Variants in TLE4 observed in about 807,000 individuals in gnomAD.
TLE4 encodes the protein transducin-like enhancer protein 4.
Under a neutral mutation model 92.8 loss-of-function variants are expected in TLE4, and 8 were observed. That is an observed-to-expected ratio of 0.09 (90% confidence interval 0.05 to 0.16). The LOEUF is 0.16. TLE4 is among the 10% of genes least tolerant of loss of function. The pLI, the probability that TLE4 is intolerant of heterozygous loss-of-function variation, is 1.00. For synonymous variants in TLE4, 371 were observed against 374.1 expected, an observed-to-expected ratio of 0.99 and a Z score of 0.10; for missense variants, 675 against 997.6, an observed-to-expected ratio of 0.68 and a Z score of 4.36.
At chr9:79,668,649 T>C (rs2061783142) in intron 8 of TLE4, among the ~76,000 whole-genome samples, 2 of 152,066 alleles carry the variant, frequency 1.3e-5, no homozygotes, top group South Asian at 4.1e-4. Context: ...AAAACAAAAT[T>C]TTAATAATAG....
chr9:79,678,260 T>G (rs1025753782), intron 8 of TLE4, among the ~76,000 whole-genome samples: 1 of 152,154 alleles, frequency 6.6e-6, no homozygotes, highest in Non-Finnish European at 1.5e-5. Flanking sequence ...TAATCCTGAC[T>G]TTATAATGAA....
intron 8 of TLE4, 117 bp downstream of exon 8, chr9:79,654,192 T>A: frequency 9.6e-7 from 1 of 1,043,974 alleles, no homozygotes; most frequent in Non-Finnish European, 1.4e-6. Flanking sequence ...TAGTAGTGGT[T>A]AACTGCATTT....
At chr9:79,723,369 T>G (rs2075940276) in intron 19 of TLE4, among the ~76,000 whole-genome samples, 1 of 152,242 alleles carries the variant, frequency 6.6e-6, no homozygotes, top group South Asian at 2.1e-4. Flanking sequence ...TTTTAAAACT[T>G]GAGCATTTTG....
chr9:79,645,777 ACTCCATTTTAATGTTTATTTT>A (rs1319570857), intron 6 of TLE4, among the ~76,000 whole-genome samples: 1 of 152,108 alleles, frequency 6.6e-6, no homozygotes, highest in Non-Finnish European at 1.5e-5. Context: ...TTTAAAGTTC[ACTCCATTTTAATGTTTATTTT>A]CTTGAGTGGC....
At chr9:79,575,573 AGATCT>A (rs1184219430) in intron 3 of TLE4, among the ~76,000 whole-genome samples, 2 of 152,218 alleles carry the variant, frequency 1.3e-5, no homozygotes, top group African/African-American at 4.8e-5. Context: ...TCAAAAAACC[AGATCT>A]GCTTTTACAG....
chr9:79,606,286 T>A (rs960143837), intron 4 of TLE4, among the ~76,000 whole-genome samples: 3 of 139,570 alleles, frequency 2.1e-5, no homozygotes, highest in African/African-American at 5.2e-5. Context: ...CTAGCTATAC[T>A]GACGATACCT....
chr9:79,604,016 G>A (rs967199057), intron 4 of TLE4, among the ~76,000 whole-genome samples: 1 of 152,146 alleles, frequency 6.6e-6, no homozygotes, highest in African/African-American at 2.4e-5. Flanking sequence ...AGTTTGAGAA[G>A]CACTAGTCTA....
chr9:79,615,164 TG>T (rs2049243375), intron 5 of TLE4, among the ~76,000 whole-genome samples: 2 of 152,222 alleles, frequency 1.3e-5, no homozygotes, highest in East Asian at 1.9e-4. Context: ...GCTTCTGCCC[TG>T]AAGCCAGATG....
chr9:79,639,863 A>G (rs2056781916), intron 6 of TLE4, among the ~76,000 whole-genome samples: 1 of 152,180 alleles, frequency 6.6e-6, no homozygotes, highest in Non-Finnish European at 1.5e-5. Flanking sequence ...ATATCCCTAT[A>G]GTTAAGTGGT....
In TLE4 at chr9:79,637,094, C is replaced by G. The variant is rs533560915; in HGVS notation, c.390+9646C>G. Among the ~76,000 whole-genome samples the G allele has an allele frequency of 1.2e-3, 119 of 101,394 alleles. No homozygotes were observed. In the South Asian group the frequency reaches 0.027, roughly 23 times the overall value. The allele number at this position is 101,394 out of a possible 152,430, so 66.5% of individuals were successfully genotyped here. A position where few individuals can be genotyped will look rare whatever the true frequency, so the allele number is the denominator to read the frequency against. On this transcript the variant is annotated intron_variant, in intron 6 of 19. Coordinates refer to ENST00000376552, the MANE Select transcript of TLE4 (RefSeq NM_007005.6). ...TGTAGAATGCAAGGCTGGAGCTGGC[C>G]TATTTATTTTGACGTTAATGGAATT...
chr9:79,575,162 A>G (rs771694863), intron 3 of TLE4: 5 of 309,278 alleles, frequency 1.6e-5, no homozygotes, highest in East Asian at 5.2e-5. Context: ...CACATGGGGT[A>G]TAATTTTCTG....
chr9:79,613,365 GC>G (rs2048798692), intron 5 of TLE4, among the ~76,000 whole-genome samples: 1 of 152,074 alleles, frequency 6.6e-6, no homozygotes, highest in Non-Finnish European at 1.5e-5. Context: ...CAGGGGAAGT[GC>G]ATGCCATCAG....
chr9:79,720,326 G>A lies in TLE4; in HGVS notation c.1838+33G>A, dbSNP rs368856417. ...AGCAGGATCTGTTACCAGGTTGTGA[G>A]GAGGAGCCGATTTTACCATATTTTG... On this transcript the variant is annotated intron_variant, in intron 16 of 19. Coordinates refer to ENST00000376552, the MANE Select transcript of TLE4 (RefSeq NM_007005.6). 127 of 1,588,166 alleles carry A rather than the reference G, an allele frequency of 8.0e-5. No individual in the cohort carries two copies. In the African/African-American group the frequency reaches 1.4e-3, roughly 18 times the overall value.
chr9:79,715,456 T>C (rs2074300694), intron 14 of TLE4, among the ~76,000 whole-genome samples: 1 of 152,048 alleles, frequency 6.6e-6, no homozygotes, highest in Non-Finnish European at 1.5e-5. Flanking sequence ...AGATCATCCC[T>C]TCACTTGCAG....
intron 8 of TLE4, among the ~76,000 whole-genome samples, chr9:79,680,839 G>A (rs549547109): frequency 2.3e-4 from 35 of 152,256 alleles, no homozygotes; most frequent in African/African-American, 7.7e-4. Context: ...AGCATGAAGC[G>A]TTGTTGAATT....
At chr9:79,661,829 C>T (rs1488787017) in intron 8 of TLE4, among the ~76,000 whole-genome samples, 1 of 152,104 alleles carries the variant, frequency 6.6e-6, no homozygotes, top group Non-Finnish European at 1.5e-5. Flanking sequence ...TGCTTAAAAA[C>T]AGTGTAAGCT....
Position 79,720,099 on chromosome 9 carries a change from A to T in TLE4, c.1644A>T (p.Leu548=). Residue 548 remains leucine (L), a synonymous_variant, in exon 16 of 20, where the codon CTA becomes CTT. Transcript: ENST00000376552. ...GATTGCTCCCTGATGGTCGCACCCT[A>T]ATTGTTGGAGGGGAAGCCAGTACTT... ...SCRLLPDGRT[L]IVGGEASTLS... is the part of the protein sequence containing the mutation. 6.2e-7 allele frequency: 1 copy of T among 1,613,970 alleles called. No homozygotes were observed. The highest frequency in any genetic ancestry group is 1.7e-5 in the Admixed American group (1 of 60,004).
intron 5 of TLE4, among the ~76,000 whole-genome samples, chr9:79,616,717 A>G (rs938501494): frequency 2.0e-5 from 3 of 152,100 alleles, no homozygotes; most frequent in African/African-American, 7.2e-5. Context: ...TAAATATTGT[A>G]TTGCTTCCAG....
intron 5 of TLE4, among the ~76,000 whole-genome samples, chr9:79,619,634 A>G (rs1308130055): frequency 2.0e-5 from 3 of 152,176 alleles, no homozygotes; most frequent in Non-Finnish European, 1.5e-5. Flanking sequence ...CCCTAAGACC[A>G]TCTTCAGAAA....
Sources: gnomAD v4.1 joint callset for allele counts (sites outside exome capture counted in the v4.1 genomes callset) on GRCh38, gnomAD v4.1.1 for gene constraint, MANE v1.5 for transcripts, NCBI Gene and HGNC (gene_info 2026-07-23, HGNC 2026-07-21) for gene names.